Variants in PCDHGB5 observed in about 807,000 individuals in gnomAD.
PCDHGB5 encodes protocadherin gamma-B5.
A neutral mutation model predicts 62.9 loss-of-function variants in PCDHGB5; 48 were observed. The ratio of observed to expected loss-of-function variants is 0.76; its 90% CI spans 0.61 to 0.97. The LOEUF is 0.97. PCDHGB5 is among the 50% of genes least tolerant of loss of function. PCDHGB5 has a pLI of 0.00. For synonymous variants in PCDHGB5, 474 were observed against 511.2 expected (o/e 0.93, Z 0.98); for missense variants, 1,118 against 1,198.6 (o/e 0.93, Z 0.99).
At position 141,398,847 on chromosome 5, in the gene PCDHGB5, G is replaced by C. The variant is rs773663002; in HGVS notation, c.720G>C (p.Pro240=). ...IQVTDANDNP[P]VFNRDVYRVS... is the part of the protein sequence containing the mutation. ...TAACCGACGCCAATGATAATCCCCC[G>C]GTATTCAACCGAGACGTGTACAGAG... Residue 240 remains proline, a synonymous_variant, in exon 1 of 4, where the codon CCG becomes CCC. Coordinates refer to ENST00000617380, the MANE Select transcript of PCDHGB5 (RefSeq NM_018925.3). The C allele has an allele frequency of 3.8e-5, 62 of 1,613,758 alleles. 1 individual carries two copies. In the Admixed American group the frequency reaches 1.0e-3, roughly 27 times the overall value.
intron 2 of PCDHGB5, 79 bp downstream of exon 2, chr5:141,494,944 C>T: frequency 1.9e-6 from 3 of 1,609,850 alleles, no homozygotes; most frequent in Non-Finnish European, 2.5e-6. Context: ...TGGGGGAGGG[C>T]CCAGCATTTG....
rs199952854 is a variant in PCDHGB5 at position 141,477,297 on chromosome 5, G to T, written c.2398-17510G>T. 4 of 1,614,176 alleles carry T rather than the reference G, an allele frequency of 2.5e-6. No individual in the cohort carries two copies. Among genetic ancestry groups the T allele is most frequent in the Non-Finnish European group, 3.4e-6 (4 of 1,180,040 alleles). On this transcript the variant is annotated intron_variant, in intron 1 of 3. Coordinates refer to ENST00000617380, the MANE Select transcript of PCDHGB5 (RefSeq NM_018925.3). The surrounding 1 kb of genome is among the most constrained non-coding windows in gnomAD (Gnocchi z 4.9). ...CTGGTGACCTGCGAAGTTCCACCGGGTCTCCCTTTCAGCCTTACTTCTTCC... is the reference window on the plus strand; with the variant it reads ...CTGGTGACCTGCGAAGTTCCACCGGTTCTCCCTTTCAGCCTTACTTCTTCC...
chr5:141,400,327 G>A lies in PCDHGB5; in HGVS notation c.2200G>A (p.Val734Met). Residue 734 changes from valine to methionine, a missense_variant, in exon 1 of 4, where the codon GTG becomes ATG. Around this residue, in one of 2 missense-constraint regions of PCDHGB5, gnomAD observed 1,034 missense variants for 1,029.1 expected, o/e 1.00. Transcript: ENST00000617380. ...QPGLCVKSGPVVPPNYSQGTL... is the reference protein window; with the variant it reads ...QPGLCVKSGPMVPPNYSQGTL... ...TGGTCTCTGTGTCAAGTCTGGACCT[G>A]TGGTTCCCCCCAACTACAGTCAGGG... 1 of 1,614,074 alleles carries A rather than the reference G, an allele frequency of 6.2e-7. No homozygotes were observed.
chr5:141,492,880 T>C (rs1204475362), intron 1 of PCDHGB5, among the ~76,000 whole-genome samples: 2 of 152,184 alleles, frequency 1.3e-5, no homozygotes, highest in African/African-American at 4.8e-5. Context: ...CCCCCAGAGA[T>C]ACAGGCTTTT....
In PCDHGB5 at chr5:141,487,883, G is replaced by A; in HGVS notation, c.2398-6924G>A. ...GGTGATCAAGAGCCAGGCTGTTGTG[G>A]AAGCATGATGATGGAATGTGGGAGC... is the stretch of plus-strand genomic sequence containing the variant. On this transcript the variant is annotated intron_variant, in intron 1 of 3. Transcript: ENST00000617380. This position sits in a 1 kb window ranked among gnomAD's most constrained non-coding sequence, Gnocchi z 5.0. The A allele has an allele frequency of 1.3e-6, 1 of 766,586 alleles. No homozygotes were observed. The highest frequency in any genetic ancestry group is 1.8e-5 in the South Asian group (1 of 55,094). 47.5% of individuals were successfully genotyped at this position (766,586 alleles called of 1,614,324 possible).
chr5:141,491,641 C>T lies in PCDHGB5; in HGVS notation c.2398-3166C>T. Reference sequence around the variant, plus strand: ...CCTCAGCGTTCAGCAGCCCACAGCTCTGGCGCTGGAGCCTGACGCCATCCG... The same window carrying T: ...CCTCAGCGTTCAGCAGCCCACAGCTTTGGCGCTGGAGCCTGACGCCATCCG... On this transcript the variant is annotated intron_variant, in intron 1 of 3. Coordinates refer to ENST00000617380, the MANE Select transcript of PCDHGB5 (RefSeq NM_018925.3). The surrounding 1 kb of genome is among the most constrained non-coding windows in gnomAD (Gnocchi z 6.9). The T allele has an allele frequency of 6.2e-7, 1 of 1,613,896 alleles. No homozygotes were observed. Among genetic ancestry groups the T allele is most frequent in the Non-Finnish European group, 8.5e-7 (1 of 1,180,018 alleles).
At chr5:141,408,579 T>G in intron 1 of PCDHGB5, 1 of 1,614,026 alleles carries the variant, frequency 6.2e-7, no homozygotes, top group Non-Finnish European at 8.5e-7. Flanking sequence ...ATTGAGGATG[T>G]TAATGACCAC....
intron 1 of PCDHGB5, among the ~76,000 whole-genome samples, chr5:141,434,491 C>CCCAGGGCAGAAAACTGCTTAA (rs1300377022): frequency 1.8e-4 from 27 of 152,302 alleles, no homozygotes; most frequent in Non-Finnish European, 3.4e-4. Context: ...ACCTGGCCCG[C>CCCAGGGCAGAAAACTGCTTAA]CCAGGGCAGA....
In PCDHGB5 at chr5:141,476,445, T is replaced by G. The variant is rs2099391853; in HGVS notation, c.2398-18362T>G. 1 of 1,613,956 alleles carries G rather than the reference T, an allele frequency of 6.2e-7. No individual in the cohort carries two copies. The highest frequency in any genetic ancestry group is 1.7e-5 in the Admixed American group (1 of 60,008). The stretch of plus-strand genomic sequence containing the variant: ...CCCTCTTGCACTGTAACTCTGGAGT[T>G]GGTAGTGGAGAACCCGCTGGAGCTG... On this transcript the variant is annotated intron_variant, in intron 1 of 3. Coordinates refer to ENST00000617380, the MANE Select transcript of PCDHGB5 (RefSeq NM_018925.3). This position sits in a 1 kb window ranked among gnomAD's most constrained non-coding sequence, Gnocchi z 7.6.
intron 1 of PCDHGB5, chr5:141,413,569 G>A: frequency 1.2e-6 from 2 of 1,613,846 alleles, no homozygotes; most frequent in Non-Finnish European, 1.7e-6. Context: ...TGATATCAAT[G>A]ACAATGCTCC....
At chr5:141,430,767 C>T in intron 1 of PCDHGB5, 1 of 1,506,782 alleles carries the variant, frequency 6.6e-7, no homozygotes, top group Non-Finnish European at 8.9e-7. Flanking sequence ...AGAATGATTC[C>T]TGCGCGACTG....
chr5:141,446,289 G>T (rs1333286399), intron 1 of PCDHGB5, among the ~76,000 whole-genome samples: 1 of 152,112 alleles, frequency 6.6e-6, no homozygotes, highest in Non-Finnish European at 1.5e-5. Flanking sequence ...GATAAATGGG[G>T]AGCAGGGATT....
In PCDHGB5 at chr5:141,409,398, A is replaced by G. The variant is rs186373896; in HGVS notation, c.2397+8874A>G. On this transcript the variant is annotated intron_variant, in intron 1 of 3. Transcript: ENST00000617380. Reference sequence around the variant, plus strand: ...CCATTCAAGATTTATTCTTCTTCCAATAACTACTACAAACTGGTGACAGAT... The same window carrying G: ...CCATTCAAGATTTATTCTTCTTCCAGTAACTACTACAAACTGGTGACAGAT... 9.6e-5 allele frequency: 155 copies of G among 1,614,050 alleles called. No individual in the cohort carries two copies. In the African/African-American group the frequency reaches 1.5e-3, roughly 16 times the overall value.
At chr5:141,464,931 G>T (rs2099093694) in intron 1 of PCDHGB5, among the ~76,000 whole-genome samples, 1 of 151,942 alleles carries the variant, frequency 6.6e-6, no homozygotes, top group Non-Finnish European at 1.5e-5. Context: ...GTAGAGATGT[G>T]AGGTCTCACT....
rs144018757 is a variant in PCDHGB5, at chr5:141,443,001, A to G, written c.2397+42477A>G. On this transcript the variant is annotated intron_variant, in intron 1 of 3. Transcript: ENST00000617380. ...GTTAGCCTATAATTTCAGTAAATCTAAGAATATGACTAATGGAAGTTGCCA... is the reference window on the plus strand; with the variant it reads ...GTTAGCCTATAATTTCAGTAAATCTGAGAATATGACTAATGGAAGTTGCCA... Among the ~76,000 whole-genome samples the G allele has an allele frequency of 1.3e-3, 194 of 152,312 alleles. 1 individual carries two copies. The East Asian group carries it at 0.032, about 25-fold the overall frequency.
Position 141,477,686 on chromosome 5 carries a change from C to T in PCDHGB5, c.2398-17121C>T, listed in dbSNP as rs201090822. Reference sequence around the variant, plus strand: ...CAATGGCATAGTGTCATCCTTAGTGCCCCTAGACTATGAGGATCGGCGGGA... The same window carrying T: ...CAATGGCATAGTGTCATCCTTAGTGTCCCTAGACTATGAGGATCGGCGGGA... On this transcript the variant is annotated intron_variant, in intron 1 of 3. Coordinates refer to ENST00000617380, the MANE Select transcript of PCDHGB5 (RefSeq NM_018925.3). This position sits in a 1 kb window ranked among gnomAD's most constrained non-coding sequence, Gnocchi z 4.9. The T allele has an allele frequency of 4.3e-6, 7 of 1,614,024 alleles. No homozygotes were observed. The highest frequency in any genetic ancestry group is 1.6e-4 in the Middle Eastern group (1 of 6,084).
At position 141,487,100 on chromosome 5, in the gene PCDHGB5, C is replaced by T. The variant is rs183291629; in HGVS notation, c.2398-7707C>T. On this transcript the variant is annotated intron_variant, in intron 1 of 3. Coordinates refer to ENST00000617380, the MANE Select transcript of PCDHGB5 (RefSeq NM_018925.3). The surrounding 1 kb of genome is among the most constrained non-coding windows in gnomAD (Gnocchi z 5.0). ...CCCAGCTGACCTCCCACCACAGAAG[C>T]TGGTCATTGTGGTAAAGGATAGTGG... The T allele has an allele frequency of 5.6e-4, 909 of 1,614,074 alleles. 2 individuals carry two copies. Among genetic ancestry groups the T allele is most frequent in the Non-Finnish European group, 1.4e-4 (168 of 1,179,960 alleles).
At chr5:141,474,888 G>T (rs1349812637) in intron 1 of PCDHGB5, among the ~76,000 whole-genome samples, 1 of 152,176 alleles carries the variant, frequency 6.6e-6, no homozygotes, top group Non-Finnish European at 1.5e-5. Context: ...ACTCTTAGAG[G>T]TTCATTTCTT....
chr5:141,505,621 A>G (rs1170133157), intron 3 of PCDHGB5, 140 bp downstream of exon 3: 5 of 1,495,758 alleles, frequency 3.3e-6, no homozygotes, highest in South Asian at 2.6e-5. Context: ...AGGACCCACA[A>G]TTCCAAACAT....
Sources: gnomAD v4.1 joint callset for allele counts (sites outside exome capture counted in the v4.1 genomes callset) on GRCh38, gnomAD v4.1.1 for gene constraint, gnomAD v4.1.1 regional missense constraint, Gnocchi (gnomAD v3.1) non-coding constraint, MANE v1.5 for transcripts, NCBI Gene and HGNC (gene_info 2026-07-23, HGNC 2026-07-21) for gene names.